The following MAML3 variants were observed in gnomAD, a reference collection of about 807,000 sequenced individuals.
MAML3 encodes mastermind-like protein 3.
Under a neutral mutation model 101.9 loss-of-function variants are expected in MAML3, and 27 were observed. The observed-to-expected ratio is 0.27, with a 90% CI of 0.20 to 0.37. The LOEUF is 0.37. MAML3 is among the 10% of genes least tolerant of loss of function. The pLI, the probability that MAML3 is intolerant of heterozygous loss-of-function variation, is 1.00. For synonymous variants in MAML3, 501 were observed against 555.9 expected, an observed-to-expected ratio of 0.90 and a Z score of 1.39; for missense variants, 1,316 against 1,444.9, an observed-to-expected ratio of 0.91 and a Z score of 1.45.
chr4:139,775,229 T>C (rs1021846577), intron 2 of MAML3, among the ~76,000 whole-genome samples: 1 of 151,318 alleles, frequency 6.6e-6, no homozygotes, highest in African/African-American at 2.4e-5. Flanking sequence ...TTGACTGCAG[T>C]TACTCACACA....
At chr4:139,908,504 C>G (rs1203314724) in intron 1 of MAML3, among the ~76,000 whole-genome samples, 1 of 152,140 alleles carries the variant, frequency 6.6e-6, no homozygotes, top group East Asian at 1.9e-4. Context: ...AAATGAGTCT[C>G]AAAAACTCAA....
At chr4:139,763,384 C>T (rs541729192) in intron 2 of MAML3, among the ~76,000 whole-genome samples, 7 of 152,136 alleles carry the variant, frequency 4.6e-5, no homozygotes, top group East Asian at 1.9e-4. Context: ...TGCTCGGAGT[C>T]GGCTGCTGAG....
intron 1 of MAML3, among the ~76,000 whole-genome samples, chr4:140,094,266 CA>C (rs1403219367): frequency 6.6e-6 from 1 of 152,152 alleles, no homozygotes; most frequent in Non-Finnish European, 1.5e-5. Context: ...GGTGAGGTGC[CA>C]AAGTAATTGT....
intron 1 of MAML3, among the ~76,000 whole-genome samples, chr4:140,122,166 ATT>A (rs1278668040): frequency 7.2e-6 from 1 of 139,268 alleles, no homozygotes; most frequent in Non-Finnish European, 1.6e-5. Flanking sequence ...TTGAATACTT[ATT>A]TTTTAAAGTA....
At chr4:140,121,464 GACT>G (rs1728604698) in intron 1 of MAML3, among the ~76,000 whole-genome samples, 1 of 152,160 alleles carries the variant, frequency 6.6e-6, no homozygotes, top group Non-Finnish European at 1.5e-5. Flanking sequence ...TGGCAATCAT[GACT>G]AAAGCACCAC....
At chr4:139,855,607 A>AAAAGG (rs1292632835) in intron 2 of MAML3, among the ~76,000 whole-genome samples, 2 of 152,216 alleles carry the variant, frequency 1.3e-5, no homozygotes, top group African/African-American at 4.8e-5. Flanking sequence ...AAATATTCTG[A>AAAAGG]AAAGGATGTT....
chr4:140,116,897 C>A (rs1410558616), intron 1 of MAML3, among the ~76,000 whole-genome samples: 1 of 152,146 alleles, frequency 6.6e-6, no homozygotes, highest in Non-Finnish European at 1.5e-5. Context: ...CATACAGACA[C>A]AGAGTATAGC....
rs373700602 is a variant in MAML3 at position 139,719,709 on chromosome 4, C to T, written c.3031G>A (p.Val1011Met). The T allele has an allele frequency of 2.2e-5, 36 of 1,613,520 alleles. No homozygotes were observed. The highest frequency in any genetic ancestry group is 8.3e-5 in the Admixed American group (5 of 59,966). ...CTCACTGTGCCCGTGTTAGCATCCA[C>T]GACTGACTGGCTCAGTCCCTGTGGG... ...HFPQGLSQSV[V>M]DANTGTVRTL... The change falls in exon 5 of 5, where the codon GTG becomes ATG. Residue 1011 changes from valine (V) to methionine (M), a missense_variant. Transcript: ENST00000509479.
Position 139,814,580 on chromosome 4 carries a change from T to C in MAML3, c.2079+74777A>G, listed in dbSNP as rs1730862494. On this transcript the variant is annotated intron_variant, in intron 2 of 4. Coordinates refer to ENST00000509479, the MANE Select transcript of MAML3 (RefSeq NM_018717.5). ...GCCCAAGCTTCTCTTGATTTGTGGC[T>C]GCTGTGTAGATATGAACGAACTGTA... Among the ~76,000 whole-genome samples the C allele has an allele frequency of 2.0e-5, 3 of 152,232 alleles. No homozygotes were observed. In the South Asian group the frequency reaches 6.2e-4, roughly 32 times the overall value.
At chr4:139,986,660 T>C (rs1265452957) in intron 1 of MAML3, among the ~76,000 whole-genome samples, 1 of 148,390 alleles carries the variant, frequency 6.7e-6, no homozygotes, top group Non-Finnish European at 1.5e-5. Context: ...CAATGAATCA[T>C]GAATCTCTAC....
chr4:139,811,647 G>A (rs1307838053), intron 2 of MAML3, among the ~76,000 whole-genome samples: 1 of 152,194 alleles, frequency 6.6e-6, no homozygotes, highest in African/African-American at 2.4e-5. Flanking sequence ...CACATAGATG[G>A]TAAAGGTATT....
chr4:139,767,349 G>C (rs180908427), intron 2 of MAML3, among the ~76,000 whole-genome samples: 1 of 152,152 alleles, frequency 6.6e-6, no homozygotes, highest in Non-Finnish European at 1.5e-5. Flanking sequence ...CTAACATCTC[G>C]TCACAGATCT....
At chr4:139,838,282 C>T (rs6856812) in intron 2 of MAML3, among the ~76,000 whole-genome samples, 2,745 of 152,204 alleles carry the variant, frequency 0.018, 48 homozygotes, top group African/African-American at 0.052. Flanking sequence ...AGTTAATTTT[C>T]GACCAGGCAC....
intron 2 of MAML3, among the ~76,000 whole-genome samples, chr4:139,768,244 GTGTGTGTGTGTGTGTGTGTGTGTTGC>G (rs1384996793): frequency 2.7e-5 from 4 of 150,230 alleles, no homozygotes; most frequent in African/African-American, 1.0e-4. Flanking sequence ...GTGTGTGTGT[GTGTGTGTGTGTGTGTGTGTGTGTTGC>G]TGTTCTTTAA....
intron 1 of MAML3, among the ~76,000 whole-genome samples, chr4:139,961,856 G>A (rs927133983): frequency 6.6e-6 from 1 of 152,156 alleles, no homozygotes; most frequent in East Asian, 1.9e-4. Context: ...GCTCACACTT[G>A]TAATCCCAGC....
chr4:140,151,997 G>C (rs1002851112), intron 1 of MAML3, among the ~76,000 whole-genome samples: 2 of 152,222 alleles, frequency 1.3e-5, no homozygotes, highest in African/African-American at 2.4e-5. Context: ...CTCCGTGCAC[G>C]CAAGTTTAAA....
chr4:139,720,202 C>T lies in MAML3; in HGVS notation c.2538G>A (p.Thr846=), dbSNP rs375440788. 8.6e-4 allele frequency: 1,385 copies of T among 1,613,894 alleles called. 4 individuals carry two copies. Among genetic ancestry groups the T allele is most frequent in the Non-Finnish European group, 8.4e-4 (991 of 1,179,804 alleles). The part of the protein sequence containing the change: ...MGIGPSQNPG[T]MATAAAQSEM... ...CCGACTGCGCAGCTGCGGTGGCCAT[C>T]GTCCCAGGGTTCTGGGAGGGTCCTA... Residue 846 remains threonine, a synonymous_variant, in exon 5 of 5, where the codon ACG becomes ACA. Coordinates refer to ENST00000509479, the MANE Select transcript of MAML3 (RefSeq NM_018717.5).
chr4:140,023,498 T>C (rs1726770541), intron 1 of MAML3, among the ~76,000 whole-genome samples: 1 of 152,202 alleles, frequency 6.6e-6, no homozygotes, highest in Non-Finnish European at 1.5e-5. Flanking sequence ...TTCAGTCCTT[T>C]ATGCCCAAGC....
At chr4:139,939,543 C>G (rs1032761209) in intron 1 of MAML3, among the ~76,000 whole-genome samples, 2 of 152,118 alleles carry the variant, frequency 1.3e-5, no homozygotes, top group African/African-American at 2.4e-5. Context: ...GCTCAAAACC[C>G]TATTCTCAAC....
Sources: gnomAD v4.1 joint callset for allele counts (sites outside exome capture counted in the v4.1 genomes callset) on GRCh38, gnomAD v4.1.1 for gene constraint, MANE v1.5 for transcripts, NCBI Gene and HGNC (gene_info 2026-07-23, HGNC 2026-07-21) for gene names.